Variants in ACTR3C observed in about 807,000 individuals in gnomAD.
ACTR3C encodes actin-related protein 3C.
In ACTR3C, 18 loss-of-function variants were observed where a neutral mutation model predicts 26.3. That is an observed-to-expected ratio of 0.68 (90% CI 0.47 to 1.01). ACTR3C has a LOEUF of 1.01. Among genes scored for constraint, ACTR3C ranks in the 50% least tolerant of loss-of-function variants. The probability of loss-of-function intolerance (pLI) is 0.00; values close to 1 mark genes in which losing one functional copy is unlikely to be tolerated. For missense variants in ACTR3C, 184 were observed against 250.7 expected, an observed-to-expected ratio of 0.73 and a Z score of 1.80; for synonymous variants, 55 against 94.5, an observed-to-expected ratio of 0.58 and a Z score of 2.42.
At chr7:150,185,277 G>A in the ACTR3C span, among the ~76,000 whole-genome samples, 2 of 3,100 alleles carry the variant, frequency 6.5e-4, no homozygotes, top group Admixed American at 2.9e-3. Flanking sequence ...AATGTCAGGC[G>A]TGTGTGTGTG....
At chr7:150,086,269 C>T in the ACTR3C span, among the ~76,000 whole-genome samples, 23 of 152,304 alleles carry the variant, frequency 1.5e-4, no homozygotes, top group East Asian at 1.9e-3. Flanking sequence ...CAGGCATGAG[C>T]CCAGCCCCAT....
chr7:150,196,002 C>T, the ACTR3C span, among the ~76,000 whole-genome samples: 1 of 152,186 alleles, frequency 6.6e-6, no homozygotes, highest in Admixed American at 6.5e-5. Context: ...CCTGTGGGTG[C>T]CTTTGGGACC....
At chr7:149,982,031 C>T in the ACTR3C span, among the ~76,000 whole-genome samples, 3 of 152,226 alleles carry the variant, frequency 2.0e-5, no homozygotes, top group South Asian at 2.1e-4. Context: ...CAGATGTTGC[C>T]GAAGTCAGGT....
the ACTR3C span, among the ~76,000 whole-genome samples, chr7:150,080,469 C>G: frequency 6.6e-6 from 1 of 151,404 alleles, no homozygotes; most frequent in African/African-American, 2.4e-5. Flanking sequence ...AAATAAAACC[C>G]AAAACTACAT....
chr7:150,154,182 C>A, the ACTR3C span, among the ~76,000 whole-genome samples: 2 of 151,334 alleles, frequency 1.3e-5, no homozygotes, highest in African/African-American at 4.9e-5. Context: ...ATGTAACTAA[C>A]CTGCACATTG....
the ACTR3C span, among the ~76,000 whole-genome samples, chr7:149,931,071 G>A: frequency 5.9e-5 from 9 of 152,182 alleles, no homozygotes; most frequent in African/African-American, 2.2e-4. Flanking sequence ...TCGCCATGTT[G>A]GCCAGGCTGG....
the ACTR3C span, among the ~76,000 whole-genome samples, chr7:149,949,397 A>AGGAAGGAAGGAG: frequency 3.1e-5 from 1 of 31,836 alleles, no homozygotes; most frequent in Non-Finnish European, 7.0e-5. Context: ...GAAGGAGGGA[A>AGGAAGGAAGGAG]GGAAGGAAGG....
chr7:150,039,225 G>A, the ACTR3C span, among the ~76,000 whole-genome samples: 2 of 145,540 alleles, frequency 1.4e-5, no homozygotes, highest in East Asian at 2.2e-4. Context: ...GGGGTCCTAA[G>A]AGCCAGTGGG....
At chr7:150,201,889 A>T in the ACTR3C span, among the ~76,000 whole-genome samples, 2 of 152,180 alleles carry the variant, frequency 1.3e-5, no homozygotes, top group Non-Finnish European at 2.9e-5. Context: ...TAAGAGCTAT[A>T]ATGTAACTGG....
chr7:150,301,050 T>G (rs532347361), intron 1 of ACTR3C, among the ~76,000 whole-genome samples: 9 of 152,210 alleles, frequency 5.9e-5, no homozygotes, highest in African/African-American at 2.2e-4. Flanking sequence ...GCATTAAAAA[T>G]GAGTTAATAC....
the ACTR3C span, among the ~76,000 whole-genome samples, chr7:150,141,690 A>C: frequency 2.0e-5 from 3 of 152,210 alleles, no homozygotes; most frequent in Non-Finnish European, 2.9e-5. Flanking sequence ...AAAATCTCTG[A>C]ACTCATCTCA....
At chr7:149,883,493 C>T in the ACTR3C span, among the ~76,000 whole-genome samples, 5 of 152,136 alleles carry the variant, frequency 3.3e-5, no homozygotes, top group Non-Finnish European at 5.9e-5. Context: ...AGGAAGTGGC[C>T]TTGGAGGCCA....
downstream of ACTR3C, chr7:150,244,347 T>C (rs1380070495): frequency 3.3e-5 from 5 of 150,704 alleles, no homozygotes; most frequent in Non-Finnish European, 5.9e-5. Flanking sequence ...ATATTCAATA[T>C]AGTCTTAGAA....
the ACTR3C span, among the ~76,000 whole-genome samples, chr7:150,046,734 C>T: frequency 4.1e-4 from 59 of 144,874 alleles, no homozygotes; most frequent in Non-Finnish European, 6.2e-4. Context: ...CCTCTGCATC[C>T]TTGAAAGGGA....
chr7:150,021,277 A>T, the ACTR3C span, among the ~76,000 whole-genome samples: 1 of 151,958 alleles, frequency 6.6e-6, no homozygotes, highest in African/African-American at 2.4e-5. Flanking sequence ...CTGGATTATA[A>T]GTTCATTCCT....
intron 1 of ACTR3C, among the ~76,000 whole-genome samples, chr7:150,312,736 A>T (rs954406358): frequency 2.0e-5 from 3 of 151,928 alleles, no homozygotes; most frequent in Admixed American, 6.6e-5. Flanking sequence ...CATCGCCCCT[A>T]CCCCCATAAT....
chr7:149,990,080 C>A, the ACTR3C span, among the ~76,000 whole-genome samples: 6 of 152,096 alleles, frequency 3.9e-5, no homozygotes, highest in African/African-American at 1.2e-4. Context: ...CCTCCCCACA[C>A]GGGTCTCAAT....
the ACTR3C span, among the ~76,000 whole-genome samples, chr7:150,146,583 A>T: frequency 6.6e-6 from 1 of 152,086 alleles, no homozygotes; most frequent in Admixed American, 6.5e-5. Context: ...GCTATTCCAC[A>T]TTTCTTGGCC....
At chr7:150,058,990 C>A in the ACTR3C span, among the ~76,000 whole-genome samples, 122 of 152,216 alleles carry the variant, frequency 8.0e-4, no homozygotes, top group Middle Eastern at 3.4e-3. Flanking sequence ...CACCTTGAGC[C>A]CTGAGAGCAT....
Sources: allele counts gnomAD v4.1 joint callset (sites outside exome capture counted in the v4.1 genomes callset), GRCh38; gene constraint gnomAD v4.1.1; transcripts MANE v1.5; gene names NCBI Gene and HGNC (gene_info 2026-07-23, HGNC 2026-07-21).